Variants in AKAP9 observed in about 807,000 individuals in gnomAD.
AKAP9 encodes A-kinase anchoring protein 9, also known as A-kinase anchor protein 9.
A neutral mutation model predicts 488.5 loss-of-function variants in AKAP9; 311 were observed. The observed-to-expected ratio is 0.64, with a 90% CI of 0.58 to 0.70. AKAP9 has a LOEUF of 0.70. Ranked by LOEUF, AKAP9 falls within the 30% of genes least tolerant of loss-of-function variation. The pLI, the probability that AKAP9 is intolerant of heterozygous loss-of-function variation, is 0.00. For synonymous variants in AKAP9, 1,462 were observed against 1,483.5 expected, an observed-to-expected ratio of 0.99 and a Z score of 0.33; for missense variants, 4,215 against 4,374.5, an observed-to-expected ratio of 0.96 and a Z score of 1.03.
intron 32 of AKAP9, 56 bp from the exon 33 acceptor site, chr7:92,083,114 T>C: frequency 6.3e-7 from 1 of 1,585,380 alleles, no homozygotes. Context: ...AAATTCTACA[T>C]TTAATATGGG....
intron 1 of AKAP9, among the ~76,000 whole-genome samples, chr7:91,946,129 A>G (rs1193640201): frequency 1.3e-5 from 2 of 152,234 alleles, no homozygotes; most frequent in Non-Finnish European, 2.9e-5. Context: ...TTGATTATTG[A>G]TAGCAGGACT....
intron 1 of AKAP9, among the ~76,000 whole-genome samples, chr7:91,950,906 A>G (rs1440706612): frequency 6.6e-6 from 1 of 152,202 alleles, no homozygotes; most frequent in African/African-American, 2.4e-5. Context: ...AAAATACTGG[A>G]AATTCTTTTG....
rs565975524 is a variant in AKAP9 at position 92,029,891 on chromosome 7, T to C, written c.4149-4T>C. On this transcript the variant is annotated splice_region_variant and splice_polypyrimidine_tract_variant and intron_variant, in intron 14 of 49. Coordinates refer to ENST00000356239, the MANE Select transcript of AKAP9 (RefSeq NM_005751.5). ...ATTCTTTAACCTTTTTTATTTATATTCAGCTTACCTGTTGATTCGGTGGTA... is the reference window on the plus strand; with the variant it reads ...ATTCTTTAACCTTTTTTATTTATATCCAGCTTACCTGTTGATTCGGTGGTA... The C allele has an allele frequency of 3.7e-6, 6 of 1,606,264 alleles. No homozygotes were observed. In the Admixed American group the frequency reaches 6.7e-5, roughly 18 times the overall value.
At chr7:92,063,959 T>C (rs1341734156) in intron 24 of AKAP9, among the ~76,000 whole-genome samples, 4 of 152,066 alleles carry the variant, frequency 2.6e-5, no homozygotes, top group African/African-American at 4.8e-5. Context: ...TTTTTGTACT[T>C]TTAGTAGAGA....
rs1450661410 is a variant in AKAP9, at chr7:92,097,194, T to C, written c.10235T>C (p.Val3412Ala). 6.2e-7 allele frequency: 1 copy of C among 1,612,932 alleles called. No homozygotes were observed. Among genetic ancestry groups the C allele is most frequent in the Non-Finnish European group, 8.5e-7 (1 of 1,179,724 alleles). ...QKKMHELQSK[V>A]EDLQRQLEEK... ...AAAATGCATGAGCTCCAGTCCAAAG[T>C]GGAAGATCTTCAGCGCCAGCTGGAA... The change falls in exon 41 of 50, where the codon GTG becomes GCG. Residue 3412 changes from valine to alanine, a missense_variant. Coordinates refer to ENST00000356239, the MANE Select transcript of AKAP9 (RefSeq NM_005751.5).
intron 1 of AKAP9, among the ~76,000 whole-genome samples, chr7:91,950,862 T>C (rs1001315840): frequency 2.0e-5 from 3 of 152,192 alleles, no homozygotes; most frequent in African/African-American, 7.2e-5. Context: ...TGGCTGAAAG[T>C]TACAGAAACT....
intron 45 of AKAP9, 40 bp downstream of exon 45, chr7:92,101,096 A>G (rs753984978): frequency 8.2e-6 from 13 of 1,589,000 alleles, no homozygotes; most frequent in Non-Finnish European, 1.1e-5. Context: ...AGCTGGTTCT[A>G]TGTTTTTGCC....
Position 91,998,418 on chromosome 7 carries a change from CTTTTTTTTTTTTTTTTTTTTTTTT to C in AKAP9, c.931-2416_931-2393del, listed in dbSNP as rs60778133. ...AGATAGTGTATTCAACCACAGGGCT[CTTTTTTTTTTTTTTTTTTTTTTTT>C]TTTTTTTTTTTTTAGAATTCAGAGT... On this transcript the variant is annotated intron_variant, in intron 7 of 49. Coordinates refer to ENST00000356239, the MANE Select transcript of AKAP9 (RefSeq NM_005751.5). Among the ~76,000 whole-genome samples, 27 of 53,992 alleles carry C rather than the reference CTTTTTTTTTTTTTTTTTTTTTTTT, an allele frequency of 5.0e-4. No homozygotes were observed. In the South Asian group the frequency reaches 0.018, roughly 36 times the overall value. 35.4% of individuals were successfully genotyped at this position (53,992 alleles called of 152,430 possible).
At chr7:91,945,601 T>A (rs1791369255) in intron 1 of AKAP9, among the ~76,000 whole-genome samples, 1 of 152,148 alleles carries the variant, frequency 6.6e-6, no homozygotes, top group Non-Finnish European at 1.5e-5. Flanking sequence ...GTTGTTTTGG[T>A]TTACTGTTGG....
intron 8 of AKAP9, among the ~76,000 whole-genome samples, chr7:92,008,642 C>A (rs569839775): frequency 6.6e-6 from 1 of 151,594 alleles, no homozygotes; most frequent in Non-Finnish European, 1.5e-5. Context: ...GAGCCAAGAT[C>A]GCATCACTGC....
chr7:92,106,475 C>G (rs1818524789), intron 47 of AKAP9, among the ~76,000 whole-genome samples: 1 of 152,204 alleles, frequency 6.6e-6, no homozygotes, highest in Non-Finnish European at 1.5e-5. Flanking sequence ...AGAGCCCACA[C>G]TCTTCATAAC....
intron 1 of AKAP9, among the ~76,000 whole-genome samples, chr7:91,965,003 C>T (rs928909872): frequency 2.6e-5 from 4 of 151,996 alleles, no homozygotes; most frequent in Non-Finnish European, 5.9e-5. Context: ...TTGGGATGTC[C>T]GTTAGCTTTA....
chr7:91,995,542 GTCTGT>G, intron 6 of AKAP9, 56 bp from the exon 7 acceptor site: 1 of 1,494,916 alleles, frequency 6.7e-7, no homozygotes, highest in Non-Finnish European at 9.3e-7. Flanking sequence ...CCCCAAAGGT[GTCTGT>G]TCCCTAATAC....
intron 3 of AKAP9, among the ~76,000 whole-genome samples, chr7:91,989,250 T>C (rs1797479515): frequency 1.3e-5 from 2 of 152,304 alleles, no homozygotes; most frequent in African/African-American, 4.8e-5. Context: ...TTGACTTCTG[T>C]GACTAGTACA....
In AKAP9 at chr7:92,082,636, G is replaced by A; in HGVS notation, c.8134G>A (p.Ala2712Thr). The A allele has an allele frequency of 1.2e-6, 2 of 1,613,932 alleles. No homozygotes were observed. Among genetic ancestry groups the A allele is most frequent in the Non-Finnish European group, 1.7e-6 (2 of 1,179,928 alleles). ...AGAACTTGCCAGTTATAAAGAAAAG[G>A]CTGAAAAACTTCAAGAAGAGCTTTT... ...KAELASYKEK[A>T]EKLQEELLVK... is the part of the protein sequence containing the mutation. Residue 2712 changes from alanine (A) to threonine (T), a missense_variant, in exon 32 of 50, where the codon GCT becomes ACT. Ala to Thr is a moderately conservative substitution (Grantham distance 58). This residue lies in a region of AKAP9 where 1,476 missense variants were observed against 1,477.4 expected (regional missense o/e 1.00). Transcript: ENST00000356239.
chr7:92,096,963 C>G lies in AKAP9; in HGVS notation c.10004C>G (p.Ser3335Cys). The G allele has an allele frequency of 6.2e-7, 1 of 1,614,164 alleles. No homozygotes were observed. Among genetic ancestry groups the G allele is most frequent in the South Asian group, 1.1e-5 (1 of 91,088 alleles). The change falls in exon 41 of 50, where the codon TCT (serine) becomes TGT (cysteine). Residue 3335 changes from serine to cysteine, a missense_variant. Ser to Cys is a moderately radical substitution (Grantham distance 112). This residue lies in a region of AKAP9 where 1,476 missense variants were observed against 1,477.4 expected (regional missense o/e 1.00). Transcript: ENST00000356239. ...CAGAGCAGTGATGGTACTGGACAGT[C>G]TCGGCCACCCTTGCCCTCAGAGGAC... ...QLQSSDGTGQ[S>C]RPPLPSEDLL... is the part of the protein sequence containing the mutation.
intron 21 of AKAP9, among the ~76,000 whole-genome samples, chr7:92,046,114 G>A (rs959160864): frequency 1.3e-5 from 2 of 152,184 alleles, no homozygotes; most frequent in South Asian, 2.1e-4. Context: ...GATTACAGGC[G>A]TGAGCCACCA....
chr7:91,944,686 C>T (rs531340372), intron 1 of AKAP9, among the ~76,000 whole-genome samples: 38 of 152,236 alleles, frequency 2.5e-4, no homozygotes, highest in South Asian at 1.7e-3. Flanking sequence ...TGCACTCAGC[C>T]TCAAATGCCA....
chr7:92,011,242 C>A (rs1800706365), intron 8 of AKAP9, among the ~76,000 whole-genome samples: 2 of 152,034 alleles, frequency 1.3e-5, no homozygotes, highest in Non-Finnish European at 2.9e-5. Flanking sequence ...CTTTGTAGTT[C>A]CTAGCCAATG....
Sources: allele counts gnomAD v4.1 joint callset (sites outside exome capture counted in the v4.1 genomes callset), GRCh38; gene constraint gnomAD v4.1.1; regional missense constraint gnomAD v4.1.1; transcripts MANE v1.5; gene names NCBI Gene and HGNC (gene_info 2026-07-23, HGNC 2026-07-21).